The following TUBA1C variants were observed in gnomAD, a reference collection of about 807,000 sequenced individuals.
The protein encoded by TUBA1C is tubulin alpha 1c, also known as tubulin alpha-1C chain.
TUBA1C carries 16 observed loss-of-function variants against 34.9 expected under a neutral mutation model. The ratio of observed to expected loss-of-function variants is 0.46; its 90% CI spans 0.31 to 0.70. TUBA1C has a LOEUF of 0.70. Ranked by LOEUF, TUBA1C falls within the 30% of genes least tolerant of loss-of-function variation. TUBA1C has a pLI of 0.05. For synonymous variants in TUBA1C, 177 were observed against 215.9 expected, an observed-to-expected ratio of 0.82 and a Z score of 1.58; for missense variants, 329 against 587.3, an observed-to-expected ratio of 0.56 and a Z score of 4.55.
chr12:49,267,355 G>A (rs1942928181), intron 1 of TUBA1C, among the ~76,000 whole-genome samples: 1 of 152,140 alleles, frequency 6.6e-6, no homozygotes. Flanking sequence ...CGTTTCCAAA[G>A]TCCAGTTAAA....
intron 1 of TUBA1C, among the ~76,000 whole-genome samples, chr12:49,269,150 C>T (rs1269344800): frequency 3.3e-5 from 5 of 152,182 alleles, no homozygotes; most frequent in African/African-American, 9.7e-5. Context: ...ACCTCCACCT[C>T]CTGAGTTCAA....
At chr12:49,236,774 T>A (rs1372188109) in intron 1 of TUBA1C, among the ~76,000 whole-genome samples, 1 of 152,210 alleles carries the variant, frequency 6.6e-6, no homozygotes, top group Admixed American at 6.5e-5. Context: ...CTATATAGCA[T>A]GTAACTGTAC....
upstream of TUBA1C, among the ~76,000 whole-genome samples, chr12:49,262,307 C>T (rs1942848182): frequency 6.9e-6 from 1 of 144,864 alleles, no homozygotes; most frequent in Non-Finnish European, 1.5e-5. Context: ...GTCCCAGGTA[C>T]TTGGGAGGCT....
chr12:49,273,629 C>T lies in TUBA1C; in HGVS notation c.*402C>T, dbSNP rs1943025559. On this transcript the variant is annotated 3_prime_UTR_variant, in exon 4 of 4. Transcript: ENST00000301072. ...TCTTCAACTGGCTTCAAGTGATCCT[C>T]CTGCCTCAACCTCTCAAAGTTTTGA... 9 of 263,274 alleles carry T rather than the reference C, an allele frequency of 3.4e-5. No homozygotes were observed. The Admixed American group carries it at 4.5e-4, about 13-fold the overall frequency. 16.3% of individuals were successfully genotyped at this position (263,274 alleles called of 1,614,324 possible). A position where few individuals can be genotyped will look rare whatever the true frequency, so the allele number is the denominator to read the frequency against.
At chr12:49,241,780 G>C (rs976454982) in intron 1 of TUBA1C, among the ~76,000 whole-genome samples, 1 of 148,588 alleles carries the variant, frequency 6.7e-6, no homozygotes, top group Non-Finnish European at 1.5e-5. Context: ...CTCCCAAGTA[G>C]CTGGGACTAC....
chr12:49,261,117 G>A (rs1207316432), upstream of TUBA1C, among the ~76,000 whole-genome samples: 2 of 152,160 alleles, frequency 1.3e-5, no homozygotes, highest in Admixed American at 1.3e-4. Flanking sequence ...GGGAGGCCGA[G>A]GCAGGCAGAT....
At chr12:49,240,006 T>A (rs1032211493) in intron 1 of TUBA1C, among the ~76,000 whole-genome samples, 1 of 148,896 alleles carries the variant, frequency 6.7e-6, no homozygotes, top group South Asian at 2.1e-4. Context: ...GCTTGTTTGC[T>A]AGGAGGGTGC....
chr12:49,256,515 A>C (rs777109682), intron 1 of TUBA1C: 1 of 438,350 alleles, frequency 2.3e-6, no homozygotes, highest in Non-Finnish European at 4.6e-6. Context: ...TTACAAGGTC[A>C]GTGGGGACTG....
intron 1 of TUBA1C, among the ~76,000 whole-genome samples, chr12:49,240,312 A>G (rs553851473): frequency 1.1e-3 from 164 of 151,608 alleles, no homozygotes; most frequent in South Asian, 2.3e-3. Context: ...AAAAAAAAAA[A>G]AAAGAAAGAA....
chr12:49,254,718 T>A (rs1942765977), intron 1 of TUBA1C, among the ~76,000 whole-genome samples: 1 of 152,022 alleles, frequency 6.6e-6, no homozygotes, highest in Admixed American at 6.6e-5. Context: ...GATCAGTTTT[T>A]AACTCAATCC....
At chr12:49,255,212 T>C (rs1259583804) in intron 1 of TUBA1C, among the ~76,000 whole-genome samples, 1 of 151,962 alleles carries the variant, frequency 6.6e-6, no homozygotes, top group Non-Finnish European at 1.5e-5. Context: ...TTCCTAGTAA[T>C]TATAATGGCT....
At chr12:49,270,072 A>G (rs1470552538) in intron 3 of TUBA1C, 96 bp downstream of exon 3, 8 of 1,606,346 alleles carry the variant, frequency 5.0e-6, no homozygotes, top group Non-Finnish European at 6.0e-6. Flanking sequence ...AAATGAGACT[A>G]TTTGCATTGC....
chr12:49,266,003 G>C (rs1339197716), intron 1 of TUBA1C, among the ~76,000 whole-genome samples: 5 of 144,812 alleles, frequency 3.5e-5, no homozygotes, highest in African/African-American at 1.3e-4. Context: ...GGTGGCGCGC[G>C]CCGGTAATCC....
intron 1 of TUBA1C, among the ~76,000 whole-genome samples, chr12:49,248,720 T>G (rs2137000575): frequency 6.6e-6 from 1 of 150,688 alleles, no homozygotes; most frequent in South Asian, 2.1e-4. Context: ...AAAAAATAAT[T>G]AGCCGGGCGT....
rs1460506589 is a variant in TUBA1C, at chr12:49,228,115, T to C, written c.162T>C (p.Phe54=). Residue 54 remains phenylalanine (F), a synonymous_variant, in exon 1 of 4, where the codon TTT becomes TTC. Coordinates refer to the TUBA1C transcript ENST00000541364. ...GGACTCTTCAGCTCCCTGCGCCTTT[T>C]AACACATGCACATCCAGCAAAAGCA... The C allele has an allele frequency of 3.9e-6, 6 of 1,535,602 alleles. No homozygotes were observed. The African/African-American group carries it at 5.5e-5, about 14-fold the overall frequency.
intron 1 of TUBA1C, among the ~76,000 whole-genome samples, chr12:49,245,167 TA>T (rs1203550422): frequency 1.3e-5 from 2 of 152,184 alleles, no homozygotes; most frequent in Non-Finnish European, 2.9e-5. Flanking sequence ...ATCACTTGTT[TA>T]TTGAGGAGGG....
At chr12:49,266,439 A>G (rs955449479) in intron 1 of TUBA1C, among the ~76,000 whole-genome samples, 1 of 151,824 alleles carries the variant, frequency 6.6e-6, no homozygotes, top group Non-Finnish European at 1.5e-5. Context: ...AAAAACAAAA[A>G]AAAACCCGCA....
chr12:49,237,008 C>T (rs1293943645), intron 1 of TUBA1C, among the ~76,000 whole-genome samples: 1 of 152,058 alleles, frequency 6.6e-6, no homozygotes, highest in African/African-American at 2.4e-5. Context: ...ATAACTAAGC[C>T]CTCGTGAATG....
chr12:49,272,489 A>G lies in TUBA1C; in HGVS notation c.612A>G (p.Val204=). Residue 204 remains valine, a synonymous_variant, in exon 4 of 4, where the codon GTA becomes GTG. Transcript: ENST00000301072. ...TLEHSDCAFM[V]DNEAIYDICR... Reference sequence around the variant, plus strand: ...AGCACTCTGATTGTGCCTTCATGGTAGACAATGAGGCCATCTATGACATCT... The same window carrying G: ...AGCACTCTGATTGTGCCTTCATGGTGGACAATGAGGCCATCTATGACATCT... 6 of 1,610,692 alleles carry G rather than the reference A, an allele frequency of 3.7e-6. No individual in the cohort carries two copies. The highest frequency in any genetic ancestry group is 5.1e-6 in the Non-Finnish European group (6 of 1,178,722).
Sources: allele counts gnomAD v4.1 joint callset (sites outside exome capture counted in the v4.1 genomes callset), GRCh38; gene constraint gnomAD v4.1.1; transcripts MANE v1.5; gene names NCBI Gene and HGNC (gene_info 2026-07-23, HGNC 2026-07-21).